AKAP9: variants seen among roughly 807,000 people sequenced by gnomAD.
AKAP9 encodes the protein A-kinase anchor protein 9.
AKAP9 carries 311 observed loss-of-function variants against 488.5 expected under a neutral mutation model. The ratio of observed to expected loss-of-function variants is 0.64; its 90% confidence interval spans 0.58 to 0.70. AKAP9 has a LOEUF of 0.70. AKAP9 is among the 30% of genes least tolerant of loss of function. AKAP9 has a pLI of 0.00. For synonymous variants in AKAP9, 1,462 were observed against 1,483.5 expected (o/e 0.99, Z 0.33); for missense variants, 4,215 against 4,374.5 (o/e 0.96, Z 1.03).
At chr7:92,087,007 A>G (rs1814676768) in intron 37 of AKAP9, among the ~76,000 whole-genome samples, 1 of 152,214 alleles carries the variant, frequency 6.6e-6, no homozygotes, top group Admixed American at 6.6e-5. Flanking sequence ...GGGCCATTCT[A>G]AACAGTGAAA....
intron 3 of AKAP9, among the ~76,000 whole-genome samples, chr7:91,985,694 C>G (rs903613396): frequency 2.0e-5 from 3 of 152,122 alleles, no homozygotes; most frequent in African/African-American, 7.2e-5. Flanking sequence ...TTCGCCCAGG[C>G]TGGAGTGCAG....
intron 25 of AKAP9, among the ~76,000 whole-genome samples, chr7:92,065,891 C>G (rs1170468562): frequency 6.6e-6 from 1 of 152,174 alleles, no homozygotes; most frequent in Non-Finnish European, 1.5e-5. Context: ...TGCCATTACT[C>G]TCTTCCAAAA....
At position 92,096,709 on chromosome 7, in the gene AKAP9, G is replaced by C. The variant is rs1304374666; in HGVS notation, c.9750G>C (p.Glu3250Asp). The C allele has an allele frequency of 3.1e-6, 5 of 1,614,024 alleles. No homozygotes were observed. Among genetic ancestry groups the C allele is most frequent in the Non-Finnish European group, 4.2e-6 (5 of 1,179,978 alleles). Residue 3250 changes from glutamate (E) to aspartate (D), a missense_variant, in exon 41 of 50, where the codon GAG becomes GAC. Physicochemically the swap from Glu to Asp is conservative, Grantham distance 45. This residue lies in a region of AKAP9 where 1,476 missense variants were observed against 1,477.4 expected (regional missense o/e 1.00). Coordinates refer to ENST00000356239, the MANE Select transcript of AKAP9 (RefSeq NM_005751.5). ...ACCAGGATCTGAAGTTTTCACTTGAGAGTCAGAAACAAAGGAATCTTCAGC... is the reference window on the plus strand; with the variant it reads ...ACCAGGATCTGAAGTTTTCACTTGACAGTCAGAAACAAAGGAATCTTCAGC... ...EELEDLKFSL[E>D]SQKQRNLQLN...
At chr7:91,958,650 T>G (rs1447596450) in intron 1 of AKAP9, among the ~76,000 whole-genome samples, 1 of 152,004 alleles carries the variant, frequency 6.6e-6, no homozygotes, top group East Asian at 1.9e-4. Context: ...TACTTTAGAG[T>G]TGTGTGAGGG....
chr7:92,042,623 T>A, intron 19 of AKAP9, 45 bp from the exon 20 acceptor site: 1 of 1,414,134 alleles, frequency 7.1e-7, no homozygotes, highest in Non-Finnish European at 1.0e-6. Context: ...GTTGACAGGT[T>A]TTCTTTCTGT....
chr7:91,997,528 A>C (rs1306180753), intron 7 of AKAP9, among the ~76,000 whole-genome samples: 1 of 152,240 alleles, frequency 6.6e-6, no homozygotes, highest in Non-Finnish European at 1.5e-5. Flanking sequence ...CAACTGATAG[A>C]AATGGGGAGG....
intron 7 of AKAP9, 52 bp from the exon 8 acceptor site, chr7:92,000,796 T>G: frequency 1.1e-6 from 1 of 951,718 alleles, no homozygotes; most frequent in Non-Finnish European, 1.6e-6. Flanking sequence ...AGCAGTATAA[T>G]TTGCCAGAAG....
intron 1 of AKAP9, among the ~76,000 whole-genome samples, chr7:91,950,510 G>T (rs1007483938): frequency 2.0e-5 from 3 of 152,064 alleles, no homozygotes; most frequent in African/African-American, 7.2e-5. Flanking sequence ...GATTACAGGC[G>T]TGAGCCACAA....
chr7:92,017,078 G>C lies in AKAP9; in HGVS notation c.3813G>C (p.Leu1271Phe). 1 of 1,587,230 alleles carries C rather than the reference G, an allele frequency of 6.3e-7. No individual in the cohort carries two copies. Among genetic ancestry groups the C allele is most frequent in the Middle Eastern group, 1.7e-4 (1 of 6,018 alleles). The change falls in exon 12 of 50, where the codon TTG becomes TTC. Residue 1271 changes from leucine to phenylalanine, a missense_variant. By Grantham distance (22) the Leu-to-Phe change is conservative. Transcript: ENST00000356239. Reference protein sequence around the residue: ...NKVTEEYNKLLVLQTRLSKIW... With the variant: ...NKVTEEYNKLFVLQTRLSKIW... The stretch of plus-strand genomic sequence containing the variant: ...TAACAGAAGAATACAACAAACTCTT[G>C]GTACTTCAAACACGACTAAGCAAGG...
intron 1 of AKAP9, among the ~76,000 whole-genome samples, chr7:91,959,958 T>C (rs1044210990): frequency 6.6e-6 from 1 of 152,254 alleles, no homozygotes; most frequent in African/African-American, 2.4e-5. Context: ...CATTTACAAA[T>C]GGTCTTTGGG....
chr7:91,975,234 A>G (rs1266991868), intron 2 of AKAP9, among the ~76,000 whole-genome samples: 2 of 152,056 alleles, frequency 1.3e-5, no homozygotes, highest in Non-Finnish European at 2.9e-5. Context: ...GAATTCCAAG[A>G]CTTAAGTGAT....
chr7:92,105,851 T>C, intron 47 of AKAP9, 88 bp downstream of exon 47: 3 of 1,230,358 alleles, frequency 2.4e-6, no homozygotes, highest in Non-Finnish European at 3.6e-6. Context: ...TACTTGTCTG[T>C]GGCCTGTTAG....
Position 92,093,115 on chromosome 7 carries a change from T to G in AKAP9, c.9377T>G (p.Ile3126Arg). The change falls in exon 39 of 50, where the codon ATA becomes AGA. Residue 3126 changes from isoleucine to arginine, a missense_variant. Transcript: ENST00000356239. ...KPSQELLEYN[I>R]QQKQSQMLEM... is the part of the protein sequence containing the mutation. ...TGTGTAGAACTCTTGGAATATAATATACAGCAGAAGCAGTCTCAAATGCTG... is the reference window on the plus strand; with the variant it reads ...TGTGTAGAACTCTTGGAATATAATAGACAGCAGAAGCAGTCTCAAATGCTG... 1 of 1,613,834 alleles carries G rather than the reference T, an allele frequency of 6.2e-7. No individual in the cohort carries two copies. The highest frequency in any genetic ancestry group is 8.5e-7 in the Non-Finnish European group (1 of 1,179,780).
intron 2 of AKAP9, among the ~76,000 whole-genome samples, chr7:91,977,487 C>T (rs1232557337): frequency 2.0e-5 from 3 of 151,818 alleles, no homozygotes; most frequent in Non-Finnish European, 4.4e-5. Flanking sequence ...ACCCAGGAGG[C>T]GGAGCTTGCA....
At chr7:91,942,102 T>A (rs765303798) in intron 1 of AKAP9, among the ~76,000 whole-genome samples, 38 of 152,170 alleles carry the variant, frequency 2.5e-4, no homozygotes, top group Non-Finnish European at 4.9e-4. Flanking sequence ...TTCAATGAAG[T>A]CTTCTTTTAT....
Position 92,052,966 on chromosome 7 carries a change from C to T in AKAP9, c.5601+8C>T, listed in dbSNP as rs1808235494. The T allele has an allele frequency of 6.3e-7, 1 of 1,591,332 alleles. No individual in the cohort carries two copies. The highest frequency in any genetic ancestry group is 1.3e-5 in the African/African-American group (1 of 74,310). The stretch of plus-strand genomic sequence containing the variant: ...AGTGAAACTAGCAGTCAGGTAACCT[C>T]CTTATATTGCTAATATGTACTGAGT... On this transcript the variant is annotated splice_region_variant and intron_variant, in intron 22 of 49. Coordinates refer to ENST00000356239, the MANE Select transcript of AKAP9 (RefSeq NM_005751.5).
intron 21 of AKAP9, among the ~76,000 whole-genome samples, chr7:92,045,833 T>TC (rs1271553113): frequency 7.1e-6 from 1 of 141,226 alleles, no homozygotes; most frequent in Non-Finnish European, 1.6e-5. Flanking sequence ...TCCGTTTCTT[T>TC]TTTTTTTTTT....
intron 22 of AKAP9, among the ~76,000 whole-genome samples, chr7:92,056,568 T>A (rs1563060058): frequency 6.6e-6 from 1 of 150,862 alleles, no homozygotes; most frequent in Non-Finnish European, 1.5e-5. Context: ...CTTCACAGAC[T>A]AACTGGAGGG....
chr7:91,947,176 G>T (rs919101790), intron 1 of AKAP9, among the ~76,000 whole-genome samples: 2 of 24,162 alleles, frequency 8.3e-5, no homozygotes, highest in African/African-American at 1.2e-4. Context: ...GTGTGTGTGC[G>T]TGTGTGTGTG....
Sources: gnomAD v4.1 joint callset for allele counts (sites outside exome capture counted in the v4.1 genomes callset) on GRCh38, gnomAD v4.1.1 for gene constraint, gnomAD v4.1.1 regional missense constraint, MANE v1.5 for transcripts, NCBI Gene and HGNC (gene_info 2026-07-23, HGNC 2026-07-21) for gene names.